The following RGS5 variants were observed in gnomAD, a reference collection of about 807,000 sequenced individuals.
RGS5 encodes regulator of G protein signaling 5.
RGS5 carries 20 observed loss-of-function variants against 18.9 expected under a neutral mutation model. The observed-to-expected ratio is 1.06, with a 90% CI of 0.74 to 1.54. RGS5 has a LOEUF of 1.54. Among genes scored for constraint, RGS5 ranks in the 40% most tolerant of loss-of-function variants. The probability of loss-of-function intolerance (pLI) is 0.00; values close to 1 mark genes in which losing one functional copy is unlikely to be tolerated. For missense variants in RGS5, 201 were observed against 211.8 expected, an observed-to-expected ratio of 0.95 and a Z score of 0.32; for synonymous variants, 57 against 76.2, an observed-to-expected ratio of 0.75 and a Z score of 1.31.
At chr1:163,292,265 T>C (rs1649308550) in intron 2 of RGS5, among the ~76,000 whole-genome samples, 1 of 152,102 alleles carries the variant, frequency 6.6e-6, no homozygotes. Context: ...TGAGAACATG[T>C]GGTATTTGGT....
intron 1 of RGS5, among the ~76,000 whole-genome samples, chr1:163,307,890 A>G (rs1477341429): frequency 2.6e-5 from 4 of 152,238 alleles, no homozygotes. Flanking sequence ...AGACTTAAAG[A>G]TGTTTAGAAA....
chr1:163,167,565 T>A (rs1415050281), intron 2 of RGS5, among the ~76,000 whole-genome samples: 1 of 152,136 alleles, frequency 6.6e-6, no homozygotes, highest in African/African-American at 2.4e-5. Context: ...CTAGGATGCC[T>A]AAATTGACAG....
intron 2 of RGS5, chr1:163,248,828 T>C (rs994986872): frequency 6.6e-6 from 1 of 152,198 alleles, no homozygotes; most frequent in Non-Finnish European, 1.5e-5. Flanking sequence ...TGACCATCTT[T>C]ATACCTCACC....
intron 2 of RGS5, among the ~76,000 whole-genome samples, chr1:163,265,250 A>G (rs552169560): frequency 6.6e-6 from 1 of 152,122 alleles, no homozygotes; most frequent in South Asian, 2.1e-4. Context: ...CATAGGGGGA[A>G]AAAAGGCCAG....
chr1:163,159,958 A>C (rs1315932121), intron 3 of RGS5, among the ~76,000 whole-genome samples: 1 of 152,174 alleles, frequency 6.6e-6, no homozygotes, highest in Non-Finnish European at 1.5e-5. Context: ...TGAGAAGTAG[A>C]AAATATTACT....
intron 2 of RGS5, among the ~76,000 whole-genome samples, chr1:163,257,474 A>G (rs114807488): frequency 0.022 from 3,382 of 152,268 alleles, 44 homozygotes; most frequent in African/African-American, 0.03. Flanking sequence ...AGAGATCCCC[A>G]GACTCCCAGC....
intron 2 of RGS5, among the ~76,000 whole-genome samples, chr1:163,233,631 G>T (rs760772910): frequency 2.0e-5 from 3 of 152,194 alleles, no homozygotes; most frequent in African/African-American, 4.8e-5. Context: ...GTCAGCAAAG[G>T]GTAGTGGGAT....
Position 163,314,700 on chromosome 1 carries a change from A to G in RGS5, c.-378+6922T>C, listed in dbSNP as rs115888212. ...TTCATATTTTGAAATTCCAACTCCC[A>G]AGGTGATATTAGGAGGTGGGGCCTC... On this transcript the variant is annotated intron_variant, in intron 1 of 5. Transcript: ENST00000618415. 2.8e-3 allele frequency among the ~76,000 whole-genome samples: 433 copies of G among 152,266 alleles called. 4 individuals carry two copies. The highest frequency in any genetic ancestry group is 9.7e-3 in the African/African-American group (403 of 41,562).
chr1:163,263,231 T>C (rs1048117739), intron 2 of RGS5, among the ~76,000 whole-genome samples: 1 of 152,206 alleles, frequency 6.6e-6, no homozygotes, highest in African/African-American at 2.4e-5. Flanking sequence ...TCTAAACTCA[T>C]GGTAATACGC....
At chr1:163,294,049 G>A (rs978950644) in intron 2 of RGS5, among the ~76,000 whole-genome samples, 3 of 152,216 alleles carry the variant, frequency 2.0e-5, no homozygotes, top group Non-Finnish European at 4.4e-5. Context: ...CTGGCATTGA[G>A]TGCCTGTGGC....
intron 2 of RGS5, among the ~76,000 whole-genome samples, chr1:163,236,933 C>T (rs530703688): frequency 4.0e-5 from 6 of 151,016 alleles, no homozygotes; most frequent in Admixed American, 4.0e-4. Context: ...TGCACTTCAG[C>T]CTGGGCAGCA....
At chr1:163,208,517 T>TA (rs1660013627) in intron 1 of RGS5, among the ~76,000 whole-genome samples, 1 of 9,610 alleles carries the variant, frequency 1.0e-4, no homozygotes, top group African/African-American at 2.3e-4. Flanking sequence ...TCCACCTCCA[T>TA]TAAAAAAAAA....
At chr1:163,225,066 C>A (rs1647304008) in intron 2 of RGS5, among the ~76,000 whole-genome samples, 1 of 152,054 alleles carries the variant, frequency 6.6e-6, no homozygotes, top group Non-Finnish European at 1.5e-5. Context: ...ACTTTTGTTG[C>A]CTATGCTTTT....
chr1:163,316,042 C>T (rs1247220813), intron 1 of RGS5, among the ~76,000 whole-genome samples: 3 of 152,124 alleles, frequency 2.0e-5, no homozygotes, highest in Non-Finnish European at 4.4e-5. Context: ...TAAATACTAG[C>T]GTACTTTCAA....
chr1:163,241,415 A>G (rs945818005), intron 2 of RGS5, among the ~76,000 whole-genome samples: 1 of 152,204 alleles, frequency 6.6e-6, no homozygotes, highest in Non-Finnish European at 1.5e-5. Context: ...CTTGTTATGT[A>G]TAGTTGCATT....
At chr1:163,164,103 C>T (rs1449591989) in intron 2 of RGS5, among the ~76,000 whole-genome samples, 1 of 152,100 alleles carries the variant, frequency 6.6e-6, no homozygotes, top group East Asian at 1.9e-4. Context: ...GATTTAAGGG[C>T]ACAGTCAAGT....
At chr1:163,277,761 A>G (rs1648893728) in intron 2 of RGS5, among the ~76,000 whole-genome samples, 1 of 152,194 alleles carries the variant, frequency 6.6e-6, no homozygotes, top group African/African-American at 2.4e-5. Flanking sequence ...ACACAAATAG[A>G]TAATTCAAAG....
intron 2 of RGS5, among the ~76,000 whole-genome samples, chr1:163,263,704 A>G (rs1041556347): frequency 6.6e-6 from 1 of 152,080 alleles, no homozygotes; most frequent in Non-Finnish European, 1.5e-5. Context: ...AGGGACTCTC[A>G]GATTCTTGTT....
intron 1 of RGS5, among the ~76,000 whole-genome samples, chr1:163,187,464 T>G (rs1659139198): frequency 6.6e-6 from 1 of 152,208 alleles, no homozygotes; most frequent in Non-Finnish European, 1.5e-5. Context: ...AGAATCTCTT[T>G]CCAGCCTTCC....
Sources: allele counts gnomAD v4.1 joint callset (sites outside exome capture counted in the v4.1 genomes callset), GRCh38; gene constraint gnomAD v4.1.1; transcripts MANE v1.5; gene names NCBI Gene and HGNC (gene_info 2026-07-23, HGNC 2026-07-21).